The following PNKD variants were observed in gnomAD, a reference collection of about 807,000 sequenced individuals.
The protein encoded by PNKD is PNKD metallo-beta-lactamase domain containing, also known as probable thioesterase PNKD.
A neutral mutation model predicts 45.3 loss-of-function variants in PNKD; 36 were observed. That is an observed-to-expected ratio of 0.80 (90% CI 0.61 to 1.05). The LOEUF is 1.05. Ranked by LOEUF, PNKD falls within the 50% of genes least tolerant of loss-of-function variation. The pLI, the probability that PNKD is intolerant of heterozygous loss-of-function variation, is 0.00. For missense variants in PNKD, 511 were observed against 506.6 expected, an observed-to-expected ratio of 1.01 and a Z score of -0.08; for synonymous variants, 197 against 210.1, an observed-to-expected ratio of 0.94 and a Z score of 0.54.
intron 2 of PNKD, among the ~76,000 whole-genome samples, chr2:218,291,730 C>T (rs998232082): frequency 6.6e-6 from 1 of 152,188 alleles, no homozygotes; most frequent in Non-Finnish European, 1.5e-5. Flanking sequence ...CACTTGCTTT[C>T]CCTTTTCCCG....
chr2:218,322,790 C>T (rs1473585752), intron 2 of PNKD, among the ~76,000 whole-genome samples: 2 of 152,256 alleles, frequency 1.3e-5, no homozygotes, highest in Non-Finnish European at 1.5e-5. Flanking sequence ...CCCTTGCATC[C>T]TCCTCAGAGC....
At chr2:218,283,532 C>A (rs1167779865) in intron 2 of PNKD, among the ~76,000 whole-genome samples, 2 of 152,164 alleles carry the variant, frequency 1.3e-5, no homozygotes, top group Non-Finnish European at 1.5e-5. Context: ...GGGCCACCAC[C>A]TCTTCTAGAG....
rs193270073 is a variant in PNKD, at chr2:218,324,060, A to G, written c.237-15723A>G. Among the ~76,000 whole-genome samples the G allele has an allele frequency of 7.8e-3, 1,187 of 152,100 alleles. 23 individuals carry two copies. The highest frequency in any genetic ancestry group is 8.4e-3 in the Non-Finnish European group (571 of 67,978). On this transcript the variant is annotated intron_variant, in intron 2 of 9. Coordinates refer to ENST00000273077, the MANE Select transcript of PNKD (RefSeq NM_015488.5). ...AAATCTGACCCAACTGACTCTGCCC[A>G]CTTTTCCAGTGATTTGTCTCCGTCG... is the stretch of plus-strand genomic sequence containing the variant.
At chr2:218,344,322 G>A (rs777948123) in intron 8 of PNKD, 133 bp from the exon 9 acceptor site, 19 of 711,750 alleles carry the variant, frequency 2.7e-5, no homozygotes, top group Non-Finnish European at 4.1e-5. Flanking sequence ...GGCAGTTGGG[G>A]TTTTCCTGGA....
chr2:218,290,434 C>T (rs557298532), intron 2 of PNKD, among the ~76,000 whole-genome samples: 5 of 152,322 alleles, frequency 3.3e-5, no homozygotes, highest in East Asian at 3.9e-4. Flanking sequence ...AACCTCTGTG[C>T]GTACACCCAG....
intron 2 of PNKD, among the ~76,000 whole-genome samples, chr2:218,306,342 A>G (rs1693401939): frequency 6.6e-6 from 1 of 152,132 alleles, no homozygotes; most frequent in Admixed American, 6.5e-5. Context: ...ATGCAATGGG[A>G]AATGGAGGCA....
chr2:218,341,109 G>T (rs1231145378), intron 5 of PNKD, among the ~76,000 whole-genome samples: 1 of 152,244 alleles, frequency 6.6e-6, no homozygotes, highest in Non-Finnish European at 1.5e-5. Context: ...ACCAATAGGG[G>T]AGGTAGCCCT....
At chr2:218,336,095 A>G (rs1486150148) in intron 2 of PNKD, among the ~76,000 whole-genome samples, 4 of 151,738 alleles carry the variant, frequency 2.6e-5, no homozygotes, top group Non-Finnish European at 4.4e-5. Context: ...GGTGCCTGTA[A>G]TCCCAGCTAC....
intron 2 of PNKD, among the ~76,000 whole-genome samples, chr2:218,322,252 T>C (rs984336552): frequency 2.6e-5 from 4 of 152,182 alleles, no homozygotes; most frequent in East Asian, 1.9e-4. Context: ...TTTCCTTCCC[T>C]TCCTGTCCTG....
intron 2 of PNKD, among the ~76,000 whole-genome samples, chr2:218,335,410 G>A (rs941678517): frequency 1.3e-5 from 2 of 152,036 alleles, no homozygotes; most frequent in Non-Finnish European, 2.9e-5. Context: ...GAACCTGGGA[G>A]GTGGAGGTTG....
chr2:218,329,330 G>A lies in PNKD; in HGVS notation c.237-10453G>A, dbSNP rs149005413. Among the ~76,000 whole-genome samples, 1,063 of 152,330 alleles carry A rather than the reference G, an allele frequency of 7.0e-3. 5 individuals carry two copies. Among genetic ancestry groups the A allele is most frequent in the Non-Finnish European group, 0.01 (702 of 68,024 alleles). ...AGCTCAGGGAGCATGATCGAATCAG[G>A]AAGGCCTGGGATTGCGATGAGCGAG... is the stretch of plus-strand genomic sequence containing the variant. On this transcript the variant is annotated intron_variant, in intron 2 of 9. Coordinates refer to ENST00000273077, the MANE Select transcript of PNKD (RefSeq NM_015488.5).
intron 1 of PNKD, chr2:218,271,114 C>T (rs78759491): frequency 3.4e-5 from 19 of 558,622 alleles, no homozygotes; most frequent in African/African-American, 2.6e-4. Flanking sequence ...CCTTCCCATG[C>T]TGTCGTCTGA....
chr2:218,326,883 G>C lies in PNKD; in HGVS notation c.237-12900G>C, dbSNP rs1458258048. On this transcript the variant is annotated intron_variant, in intron 2 of 9. Coordinates refer to ENST00000273077, the MANE Select transcript of PNKD (RefSeq NM_015488.5). This position sits in a 1 kb window ranked among gnomAD's most constrained non-coding sequence, Gnocchi z 4.1. ...GCACAGGTGAACAGATATAAACAAG[G>C]GCCCAAACCCGGGAGGAGGCAGGCC... 4.6e-5 allele frequency: 7 copies of C among 152,424 alleles called. No homozygotes were observed. The highest frequency in any genetic ancestry group is 3.9e-4 in the Admixed American group (6 of 15,254). The allele number at this position is 152,424 out of a possible 1,614,324, so 9.4% of individuals were successfully genotyped here.
At chr2:218,341,682 C>G in intron 6 of PNKD, 56 bp downstream of exon 6, 2 of 1,302,214 alleles carry the variant, frequency 1.5e-6, no homozygotes, top group South Asian at 2.5e-5. Flanking sequence ...TCCCCCACCC[C>G]CAGCCTTCAG....
rs940954097 is a variant in PNKD, at chr2:218,345,861, T to C, written c.*880T>C. 6.6e-6 allele frequency: 1 copy of C among 152,430 alleles called. No individual in the cohort carries two copies. Among genetic ancestry groups the C allele is most frequent in the African/African-American group, 2.4e-5 (1 of 41,466 alleles). The allele number at this position is 152,430 out of a possible 1,614,324, so 9.4% of individuals were successfully genotyped here. On this transcript the variant is annotated 3_prime_UTR_variant, in exon 10 of 10. Coordinates refer to ENST00000273077, the MANE Select transcript of PNKD (RefSeq NM_015488.5). ...TGCTGTATTCTCATTTTGGCCCTTG[T>C]TCTTAGGCCCGTCTGCCCGCCTTCC...
intron 2 of PNKD, among the ~76,000 whole-genome samples, chr2:218,288,663 A>G (rs1452440076): frequency 6.6e-6 from 1 of 152,222 alleles, no homozygotes; most frequent in African/African-American, 2.4e-5. Context: ...ACCAGTAAGT[A>G]TAATATACAT....
At chr2:218,273,842 G>C (rs1690971385) in intron 2 of PNKD, among the ~76,000 whole-genome samples, 1 of 152,082 alleles carries the variant, frequency 6.6e-6, no homozygotes. Context: ...GACATGGACT[G>C]AACCTGCAGT....
intron 2 of PNKD, among the ~76,000 whole-genome samples, chr2:218,313,355 C>A (rs565826390): frequency 2.6e-5 from 4 of 152,118 alleles, no homozygotes; most frequent in African/African-American, 9.7e-5. Flanking sequence ...AGGTGATCCA[C>A]CTGCCTCAGC....
chr2:218,298,076 G>C (rs569495951), intron 2 of PNKD, among the ~76,000 whole-genome samples: 19 of 152,188 alleles, frequency 1.2e-4, no homozygotes, highest in Middle Eastern at 6.8e-3. Flanking sequence ...CCTCAGTTGA[G>C]GTCATCTAGG....
Sources: gnomAD v4.1 joint callset for allele counts (sites outside exome capture counted in the v4.1 genomes callset) on GRCh38, gnomAD v4.1.1 for gene constraint, Gnocchi (gnomAD v3.1) non-coding constraint, MANE v1.5 for transcripts, NCBI Gene and HGNC (gene_info 2026-07-23, HGNC 2026-07-21) for gene names.